Variants in AACS observed in about 807,000 individuals in gnomAD.
AACS encodes acetoacetyl-CoA synthetase, also known as acetoacetate-CoA ligase.
A neutral mutation model predicts 83.1 loss-of-function variants in AACS; 69 were observed. The observed-to-expected ratio is 0.83, with a 90% confidence interval of 0.68 to 1.01. AACS has a LOEUF of 1.01. Ranked by LOEUF, AACS falls within the 50% of genes least tolerant of loss-of-function variation. AACS has a pLI of 0.00. For missense variants in AACS, 866 were observed against 882.2 expected (o/e 0.98, Z 0.23); for synonymous variants, 333 against 343.4 (o/e 0.97, Z 0.33).
chr12:125,075,862 G>A (rs1956009099), intron 2 of AACS, among the ~76,000 whole-genome samples: 1 of 152,190 alleles, frequency 6.6e-6, no homozygotes, highest in Non-Finnish European at 1.5e-5. Flanking sequence ...AAAGTGCTGG[G>A]ATTACAGGCG....
intron 3 of AACS, among the ~76,000 whole-genome samples, chr12:125,084,409 C>A (rs542081943): frequency 6.6e-6 from 1 of 151,116 alleles, no homozygotes; most frequent in Non-Finnish European, 1.5e-5. Flanking sequence ...CCTTTCCTTT[C>A]TTTCCTTTCT....
chr12:125,107,059 A>C, intron 7 of AACS, 62 bp from the exon 8 acceptor site: 1 of 1,606,026 alleles, frequency 6.2e-7, no homozygotes, highest in East Asian at 2.2e-5. Flanking sequence ...GGGTGGAATC[A>C]GTGGGTCCGG....
intron 17 of AACS, among the ~76,000 whole-genome samples, chr12:125,137,696 G>A (rs1329372671): frequency 1.3e-5 from 2 of 152,226 alleles, no homozygotes. Context: ...CATTTGCATT[G>A]CTTACAAAAC....
chr12:125,067,416 G>A (rs1487347708), intron 1 of AACS, among the ~76,000 whole-genome samples: 1 of 152,178 alleles, frequency 6.6e-6, no homozygotes, highest in Non-Finnish European at 1.5e-5. Flanking sequence ...CAGAATGCTG[G>A]TCTGGTGCCT....
Position 125,129,145 on chromosome 12 carries a change from G to A in AACS, c.1424-190G>A, listed in dbSNP as rs750763867. On this transcript the variant is annotated intron_variant, in intron 13 of 17. Coordinates refer to ENST00000316519, the MANE Select transcript of AACS (RefSeq NM_023928.5). This position sits in a 1 kb window ranked among gnomAD's most constrained non-coding sequence, Gnocchi z 4.3. Reference sequence around the variant, plus strand: ...GACAGCGATTTTGGGGAGCACACAGGGAGGGGACTTCATCTGGGAGGAACG... The same window carrying A: ...GACAGCGATTTTGGGGAGCACACAGAGAGGGGACTTCATCTGGGAGGAACG... 75 of 676,464 alleles carry A rather than the reference G, an allele frequency of 1.1e-4. No homozygotes were observed. Among genetic ancestry groups the A allele is most frequent in the Non-Finnish European group, 1.6e-4 (71 of 445,818 alleles). 41.9% of individuals were successfully genotyped at this position (676,464 alleles called of 1,614,324 possible).
chr12:125,082,636 C>T (rs1956221365), intron 3 of AACS, among the ~76,000 whole-genome samples: 1 of 152,132 alleles, frequency 6.6e-6, no homozygotes, highest in Non-Finnish European at 1.5e-5. Flanking sequence ...GCCTGGCCAA[C>T]ATGGTGAAAG....
At position 125,134,799 on chromosome 12, in the gene AACS, G is replaced by A. The variant is rs1241827587; in HGVS notation, c.1625G>A (p.Gly542Asp). ...GGIVMLGRSD[G>D]TLNPNGVRFG... ...GACCTCTTCTCTCTTTCCAGTGACG[G>A]CACCCTCAACCCCAACGGGGTGCGG... The change falls in exon 16 of 18, where the codon GGC (glycine) becomes GAC (aspartate). Residue 542 changes from glycine to aspartate, a missense_variant. Coordinates refer to ENST00000316519, the MANE Select transcript of AACS (RefSeq NM_023928.5). The A allele has an allele frequency of 2.5e-6, 4 of 1,614,140 alleles. No individual in the cohort carries two copies. Among genetic ancestry groups the A allele is most frequent in the Admixed American group, 3.3e-5 (2 of 60,024 alleles).
chr12:125,115,437 T>C (rs1957037749), intron 9 of AACS, among the ~76,000 whole-genome samples: 1 of 152,092 alleles, frequency 6.6e-6, no homozygotes, highest in Non-Finnish European at 1.5e-5. Flanking sequence ...ATTTTTTGTA[T>C]TTTTAGTAGA....
intron 4 of AACS, among the ~76,000 whole-genome samples, chr12:125,086,856 G>A (rs1001791606): frequency 2.6e-5 from 4 of 151,278 alleles, no homozygotes; most frequent in African/African-American, 4.9e-5. Context: ...CATTCAATAC[G>A]GGCTTGCTGG....
intron 3 of AACS, among the ~76,000 whole-genome samples, chr12:125,084,852 C>G (rs774987548): frequency 6.6e-6 from 1 of 152,066 alleles, no homozygotes. Context: ...AAAGCGCTGG[C>G]ATTACAGGCA....
At chr12:125,084,462 G>A (rs1331935100) in intron 3 of AACS, among the ~76,000 whole-genome samples, 1 of 151,828 alleles carries the variant, frequency 6.6e-6, no homozygotes, top group Non-Finnish European at 1.5e-5. Context: ...GGAGTGCAGT[G>A]GTACGAACAT....
At chr12:125,079,764 T>C (rs1454997177) in intron 3 of AACS, among the ~76,000 whole-genome samples, 1 of 152,134 alleles carries the variant, frequency 6.6e-6, no homozygotes, top group Non-Finnish European at 1.5e-5. Context: ...TCAGTGGTTT[T>C]TAGCATTTTT....
At chr12:125,124,298 A>G (rs1449011732) in intron 10 of AACS, 1 of 162,872 alleles carries the variant, frequency 6.1e-6, no homozygotes, top group Non-Finnish European at 1.3e-5. Context: ...CCTGTCTAAA[A>G]TAATAATAAT....
intron 3 of AACS, among the ~76,000 whole-genome samples, chr12:125,084,528 C>G (rs1227119713): frequency 6.6e-6 from 1 of 151,810 alleles, no homozygotes; most frequent in Non-Finnish European, 1.5e-5. Context: ...CTCAGCCTCC[C>G]AAGCAGCTAG....
At chr12:125,137,160 C>A (rs992162513) in intron 17 of AACS, among the ~76,000 whole-genome samples, 14 of 152,170 alleles carry the variant, frequency 9.2e-5, no homozygotes, top group African/African-American at 3.1e-4. Flanking sequence ...TTAATGAGAA[C>A]ATTAATTTTA....
chr12:125,108,317 G>A (rs952449641), intron 8 of AACS, among the ~76,000 whole-genome samples: 4 of 152,178 alleles, frequency 2.6e-5, no homozygotes, highest in Non-Finnish European at 5.9e-5. Context: ...GTGGACGGCC[G>A]CCTTCTTGCT....
Position 125,089,132 on chromosome 12 carries a change from G to A in AACS, c.473-2294G>A, listed in dbSNP as rs1189409777. On this transcript the variant is annotated intron_variant, in intron 4 of 17. Transcript: ENST00000316519. ...ACCGAGTCCTGCCCTGACCCTGGGGGTGACAGTGTTGAGATGCTTCAGTTT... is the reference window on the plus strand; with the variant it reads ...ACCGAGTCCTGCCCTGACCCTGGGGATGACAGTGTTGAGATGCTTCAGTTT... Among the ~76,000 whole-genome samples, 3 of 152,176 alleles carry A rather than the reference G, an allele frequency of 2.0e-5. No individual in the cohort carries two copies. In the South Asian group the frequency reaches 6.2e-4, roughly 32 times the overall value.
chr12:125,119,355 C>T (rs1957114410), intron 10 of AACS, among the ~76,000 whole-genome samples: 1 of 152,290 alleles, frequency 6.6e-6, no homozygotes. Context: ...CCGAGGGTCG[C>T]CTAGAGTCCT....
intron 1 of AACS, among the ~76,000 whole-genome samples, chr12:125,067,694 C>G (rs960102348): frequency 6.6e-5 from 10 of 152,030 alleles, no homozygotes; most frequent in Non-Finnish European, 1.3e-4. Flanking sequence ...CCACTATGCC[C>G]GGCTAATTTT....
Sources: gnomAD v4.1 joint callset for allele counts (sites outside exome capture counted in the v4.1 genomes callset) on GRCh38, gnomAD v4.1.1 for gene constraint, Gnocchi (gnomAD v3.1) non-coding constraint, MANE v1.5 for transcripts, NCBI Gene and HGNC (gene_info 2026-07-23, HGNC 2026-07-21) for gene names.